Variants in ZNF343 observed in about 807,000 individuals in gnomAD.
The protein encoded by ZNF343 is zinc finger protein 343.
In ZNF343, 11 loss-of-function variants were observed where a neutral mutation model predicts 13.8. The observed-to-expected ratio is 0.80, with a 90% CI of 0.50 to 1.32. The LOEUF is 1.32. ZNF343 is among the 40% of genes most tolerant of loss of function. The pLI is 0.00. For synonymous variants in ZNF343, 248 were observed against 260.0 expected (o/e 0.95, Z 0.44); for missense variants, 658 against 714.2 (o/e 0.92, Z 0.90).
chr20:2,511,888 A>G (rs1288522713), upstream of ZNF343, among the ~76,000 whole-genome samples: 1 of 152,246 alleles, frequency 6.6e-6, no homozygotes, highest in African/African-American at 2.4e-5. Flanking sequence ...TGCCACTTCT[A>G]TTCAACATTG....
chr20:2,503,426 CAGGA>C (rs2085603645), intron 1 of ZNF343, among the ~76,000 whole-genome samples: 1 of 152,048 alleles, frequency 6.6e-6, no homozygotes, highest in Non-Finnish European at 1.5e-5. Flanking sequence ...CAAGGATATC[CAGGA>C]ATTGAACTCA....
intron 2 of ZNF343, among the ~76,000 whole-genome samples, chr20:2,495,105 C>T (rs1288586442): frequency 1.3e-5 from 2 of 152,212 alleles, no homozygotes; most frequent in African/African-American, 4.8e-5. Flanking sequence ...CCTTCTGAGA[C>T]TAGCTGGGGT....
rs141545617 is a variant in ZNF343 at position 2,519,197 on chromosome 20, G to A, written c.-347+5258C>T. ...CTCTACTTACTCCCTCAAATACCCC[G>A]TGACCTACCCCACATTACATACCAA... On this transcript the variant is annotated intron_variant, in intron 1 of 6. Transcript: ENST00000358413. Among the ~76,000 whole-genome samples, 309 of 151,840 alleles carry A rather than the reference G, an allele frequency of 2.0e-3. 4 individuals are homozygous for A. The highest frequency in any genetic ancestry group is 7.0e-3 in the African/African-American group (290 of 41,348).
In ZNF343 at chr20:2,493,409, C is replaced by T; in HGVS notation, c.177+110G>A. On this transcript the variant is annotated intron_variant, in intron 4 of 5. Coordinates refer to ENST00000278772, the MANE Select transcript of ZNF343 (RefSeq NM_024325.6). ...CAAGAAAGCCTAATGCTTCACTCAT[C>T]TACCCAGATGTTGACCGCCTTTTCC... is the stretch of plus-strand genomic sequence containing the variant. 2.0e-6 allele frequency: 2 copies of T among 1,002,336 alleles called. 1 individual carries two copies. The highest frequency in any genetic ancestry group is 2.7e-5 in the South Asian group (2 of 75,232). 62.1% of individuals were successfully genotyped at this position (1,002,336 alleles called of 1,614,324 possible).
Position 2,518,770 on chromosome 20 carries a change from C to T in ZNF343, c.-347+5685G>A, listed in dbSNP as rs762679038. Among the ~76,000 whole-genome samples, 1 of 152,228 alleles carries T rather than the reference C, an allele frequency of 6.6e-6. No homozygotes were observed. Among genetic ancestry groups the T allele is most frequent in the Non-Finnish European group, 1.5e-5 (1 of 68,040 alleles). Reference sequence around the variant, plus strand: ...ATTCAGTGCCTACCCTTGCAGCCCACACCCACTGATAATGGTTTGGCTCTG... The same window carrying T: ...ATTCAGTGCCTACCCTTGCAGCCCATACCCACTGATAATGGTTTGGCTCTG... On this transcript the variant is annotated intron_variant, in intron 1 of 6. Coordinates refer to the ZNF343 transcript ENST00000358413. This position sits in a 1 kb window ranked among gnomAD's most constrained non-coding sequence, Gnocchi z 4.6.
At chr20:2,519,068 T>A (rs538322665) in intron 1 of ZNF343, among the ~76,000 whole-genome samples, 1 of 152,190 alleles carries the variant, frequency 6.6e-6, no homozygotes, top group Non-Finnish European at 1.5e-5. Context: ...TGTGAGTCAA[T>A]TAAACCTCTT....
At chr20:2,485,853 G>A (rs1568474402) in intron 5 of ZNF343, among the ~76,000 whole-genome samples, 1 of 152,182 alleles carries the variant, frequency 6.6e-6, no homozygotes, top group Non-Finnish European at 1.5e-5. Flanking sequence ...GCTCAAAGCT[G>A]CTTGTCTGGC....
At position 2,483,852 on chromosome 20, in the gene ZNF343, CTGA is replaced by C; in HGVS notation, c.1106_1108del (p.Ile369del). 6.2e-7 allele frequency: 1 copy of C among 1,611,418 alleles called. No homozygotes were observed. Among genetic ancestry groups the C allele is most frequent in the Non-Finnish European group, 8.5e-7 (1 of 1,179,208 alleles). On this transcript the variant is annotated inframe_deletion, in exon 6 of 6. Coordinates refer to ENST00000278772, the MANE Select transcript of ZNF343 (RefSeq NM_024325.6). ...CTCACCGGAGTGTGTCCTCTGGTGTCTGATGAAGGATGACTTCTCGCTAAAGCC... is the reference window on the plus strand; with the variant it reads ...CTCACCGGAGTGTGTCCTCTGGTGTCTGAAGGATGACTTCTCGCTAAAGCC...
In ZNF343 at chr20:2,508,051, A is replaced by G. The variant is rs2085693853; in HGVS notation, c.-237+830T>C. 6.6e-6 allele frequency among the ~76,000 whole-genome samples: 1 copy of G among 152,016 alleles called. No homozygotes were observed. Among genetic ancestry groups the G allele is most frequent in the Non-Finnish European group, 1.5e-5 (1 of 68,004 alleles). On this transcript the variant is annotated intron_variant, in intron 1 of 5. Transcript: ENST00000278772. The surrounding 1 kb of genome is among the most constrained non-coding windows in gnomAD (Gnocchi z 4.5). ...ACCAAACCCAGGAACTTTGCCACAA[A>G]GCACAGGGGGCACCTCCCACATGAC... is the stretch of plus-strand genomic sequence containing the variant.
rs2085767429 is a variant in ZNF343, at chr20:2,518,144, G to T, written c.-347+6311C>A. Among the ~76,000 whole-genome samples the T allele has an allele frequency of 6.6e-6, 1 of 151,874 alleles. No homozygotes were observed. The highest frequency in any genetic ancestry group is 2.4e-5 in the African/African-American group (1 of 41,332). ...TTCCCCTTCCTCAGCTTTCTGAGTA[G>T]CTGGGATTACAGGCGCGTGCCACCA... On this transcript the variant is annotated intron_variant, in intron 1 of 6. Transcript: ENST00000358413. This position sits in a 1 kb window ranked among gnomAD's most constrained non-coding sequence, Gnocchi z 4.6.
At chr20:2,505,697 T>G (rs1180377079) in intron 1 of ZNF343, among the ~76,000 whole-genome samples, 2 of 152,168 alleles carry the variant, frequency 1.3e-5, no homozygotes, top group Non-Finnish European at 2.9e-5. Context: ...GGGGAAAGGA[T>G]TCCCTATTTA....
chr20:2,499,251 G>C (rs1294338105), intron 2 of ZNF343, among the ~76,000 whole-genome samples: 1 of 147,984 alleles, frequency 6.8e-6, no homozygotes, highest in Non-Finnish European at 1.5e-5. Flanking sequence ...GGATCACGAG[G>C]TCAGGAGATC....
chr20:2,524,237 GGAGGTC>G (rs934998081), intron 1 of ZNF343, among the ~76,000 whole-genome samples: 7 of 149,584 alleles, frequency 4.7e-5, no homozygotes, highest in Admixed American at 2.7e-4. Context: ...CTTGAGCTGG[GGAGGTC>G]GAGGCTGCAG....
Position 2,483,390 on chromosome 20 carries a change from CT to C in ZNF343, c.1570del (p.Arg524GlyfsTer87). The C allele has an allele frequency of 1.2e-6, 2 of 1,612,854 alleles. No homozygotes were observed. Among genetic ancestry groups the C allele is most frequent in the Non-Finnish European group, 1.7e-6 (2 of 1,179,752 alleles). ...THSNEKPYIC[R>X]ECGRGFCDKS... is the part of the protein sequence containing the mutation. ...GTCACAAAAGCCTCGCCCACATTCCCTGCAAATATAAGGCTTCTCATTTGAG... is the reference window on the plus strand; with the variant it reads ...GTCACAAAAGCCTCGCCCACATTCCCGCAAATATAAGGCTTCTCATTTGAG... On this transcript the variant is annotated frameshift_variant, in exon 6 of 6. Coordinates refer to ENST00000278772, the MANE Select transcript of ZNF343 (RefSeq NM_024325.6). LOFTEE classifies it low-confidence loss of function (END_TRUNC).
intron 1 of ZNF343, among the ~76,000 whole-genome samples, chr20:2,519,649 C>G (rs1207292018): frequency 6.6e-6 from 1 of 152,120 alleles, no homozygotes; most frequent in African/African-American, 2.4e-5. Flanking sequence ...TCTGGAGAAC[C>G]CTGACTCATT....
chr20:2,519,615 T>C (rs1009267346), intron 1 of ZNF343, among the ~76,000 whole-genome samples: 4 of 152,212 alleles, frequency 2.6e-5, no homozygotes, highest in Admixed American at 2.0e-4. Flanking sequence ...CGCATATACA[T>C]ACACATTCTA....
intron 1 of ZNF343, among the ~76,000 whole-genome samples, chr20:2,520,339 T>G (rs1203112532): frequency 6.6e-6 from 1 of 152,148 alleles, no homozygotes; most frequent in African/African-American, 2.4e-5. Flanking sequence ...ATCACCTAAT[T>G]TATGTGCTAC....
intron 2 of ZNF343, among the ~76,000 whole-genome samples, chr20:2,498,069 G>A (rs1013074488): frequency 2.0e-5 from 3 of 152,170 alleles, no homozygotes; most frequent in African/African-American, 7.2e-5. Context: ...TATATAAAGT[G>A]CTTCAGGCCA....
chr20:2,488,500 T>C (rs1002727776), intron 5 of ZNF343, among the ~76,000 whole-genome samples: 10 of 152,110 alleles, frequency 6.6e-5, no homozygotes, highest in African/African-American at 2.4e-4. Context: ...CACAATGTTT[T>C]CTTTCTTTAT....
Sources: gnomAD v4.1 joint callset for allele counts (sites outside exome capture counted in the v4.1 genomes callset) on GRCh38, gnomAD v4.1.1 for gene constraint, Gnocchi (gnomAD v3.1) non-coding constraint, MANE v1.5 for transcripts, NCBI Gene and HGNC (gene_info 2026-07-23, HGNC 2026-07-21) for gene names.